The following FNTB variants were observed in gnomAD, a reference collection of about 807,000 sequenced individuals.
The protein encoded by FNTB is farnesyltransferase, CAAX box, subunit beta, also known as protein farnesyltransferase subunit beta.
A neutral mutation model predicts 59.4 loss-of-function variants in FNTB; 27 were observed. That is an observed-to-expected ratio of 0.45 (90% CI 0.34 to 0.63). The LOEUF (loss-of-function observed/expected upper bound fraction) is 0.63, where lower values mean the gene tolerates loss of function less well. FNTB is among the 20% of genes least tolerant of loss of function. The pLI is 0.02. For synonymous variants in FNTB, 230 were observed against 220.7 expected (o/e 1.04, Z -0.37); for missense variants, 449 against 559.6 (o/e 0.80, Z 1.99).
chr14:65,007,525 A>G lies in FNTB; in HGVS notation c.209+3212A>G, dbSNP rs901041422. Reference sequence around the variant, plus strand: ...AAGCTGAATAGCAGACTGGGCTGAAAGTCAAGCCTGGAGCTGAATGTCAGT... The same window carrying G: ...AAGCTGAATAGCAGACTGGGCTGAAGGTCAAGCCTGGAGCTGAATGTCAGT... On this transcript the variant is annotated intron_variant, in intron 2 of 11. Transcript: ENST00000246166. The surrounding 1 kb of genome is among the most constrained non-coding windows in gnomAD (Gnocchi z 4.9). 6.6e-6 allele frequency among the ~76,000 whole-genome samples: 1 copy of G among 152,372 alleles called. No homozygotes were observed. Among genetic ancestry groups the G allele is most frequent in the Middle Eastern group, 3.4e-3 (1 of 294 alleles).
chr14:64,988,785 T>C (rs1452112318), intron 1 of FNTB, among the ~76,000 whole-genome samples: 2 of 152,168 alleles, frequency 1.3e-5, no homozygotes, highest in African/African-American at 2.4e-5. Flanking sequence ...AAGAATCTTA[T>C]ATTTCTTTTT....
chr14:65,057,925 C>T (rs1421532326), intron 11 of FNTB, among the ~76,000 whole-genome samples: 3 of 152,148 alleles, frequency 2.0e-5, no homozygotes, highest in Non-Finnish European at 4.4e-5. Context: ...TGCCTATCTG[C>T]ACTCTTTTAA....
Position 65,031,037 on chromosome 14 carries a change from AC to A in FNTB, c.606-1571del, listed in dbSNP as rs887091727. On this transcript the variant is annotated intron_variant, in intron 6 of 11. Transcript: ENST00000246166. This position sits in a 1 kb window ranked among gnomAD's most constrained non-coding sequence, Gnocchi z 4.6. ...TGGCCAGGCTAGTCTCGAACTCCTGACCTCAAATAATCCACCTGCCTTAGCC... is the reference window on the plus strand; with the variant it reads ...TGGCCAGGCTAGTCTCGAACTCCTGACTCAAATAATCCACCTGCCTTAGCC... 6.6e-6 allele frequency among the ~76,000 whole-genome samples: 1 copy of A among 151,870 alleles called. No individual in the cohort carries two copies. Among genetic ancestry groups the A allele is most frequent in the Non-Finnish European group, 1.5e-5 (1 of 67,952 alleles).
chr14:65,005,477 C>A (rs1007528585), intron 2 of FNTB, among the ~76,000 whole-genome samples: 5 of 134,080 alleles, frequency 3.7e-5, no homozygotes, highest in African/African-American at 1.6e-4. Flanking sequence ...TTCTTTCTTT[C>A]TTTCTTTCTT....
In FNTB at chr14:65,020,100, TCC is replaced by T. The variant is rs1203052006; in HGVS notation, c.374+4385_374+4386del. On this transcript the variant is annotated intron_variant, in intron 4 of 11. Coordinates refer to ENST00000246166, the MANE Select transcript of FNTB (RefSeq NM_002028.4). ...CTACACTTACACAAAGGTTTCTCTT[TCC>T]TATTTTGTTCACTGCTGTGCTTCTA... Among the ~76,000 whole-genome samples the T allele has an allele frequency of 2.0e-5, 3 of 152,232 alleles. No individual in the cohort carries two copies. The East Asian group carries it at 5.8e-4, about 29-fold the overall frequency.
chr14:65,036,755 G>T (rs36045499), intron 7 of FNTB, among the ~76,000 whole-genome samples: 1 of 151,862 alleles, frequency 6.6e-6, no homozygotes, highest in East Asian at 1.9e-4. Flanking sequence ...GTGCAGTGGC[G>T]TAATCTCAGC....
chr14:65,051,288 A>G (rs1399070479), intron 9 of FNTB, among the ~76,000 whole-genome samples: 1 of 152,210 alleles, frequency 6.6e-6, no homozygotes, highest in Non-Finnish European at 1.5e-5. Flanking sequence ...AAAGAAATTT[A>G]ATAAATTCTT....
chr14:65,025,355 C>T (rs2061960769), intron 4 of FNTB, among the ~76,000 whole-genome samples: 1 of 152,176 alleles, frequency 6.6e-6, no homozygotes, highest in Non-Finnish European at 1.5e-5. Flanking sequence ...TTTGTATCAG[C>T]TAAAACTTTT....
chr14:65,054,567 C>T lies in FNTB; in HGVS notation c.1068-8C>T, dbSNP rs760773195. The T allele has an allele frequency of 6.2e-7, 1 of 1,611,474 alleles. No homozygotes were observed. Among genetic ancestry groups the T allele is most frequent in the Non-Finnish European group, 8.5e-7 (1 of 1,178,896 alleles). ...GGAGCGCCTGCTCAGAGCTGCCTGT[C>T]CTTACAGGTCGCGTGATTTCTACCA... On this transcript the variant is annotated splice_polypyrimidine_tract_variant and splice_region_variant and intron_variant, in intron 10 of 11. Coordinates refer to ENST00000246166, the MANE Select transcript of FNTB (RefSeq NM_002028.4). This position sits in a 1 kb window ranked among gnomAD's most constrained non-coding sequence, Gnocchi z 4.4.
chr14:65,044,317 G>A lies in FNTB; in HGVS notation c.829G>A (p.Val277Met). Residue 277 changes from valine to methionine, a missense_variant, in exon 9 of 12, where the codon GTG (valine) becomes ATG (methionine). Physicochemically the swap from Val to Met is conservative, Grantham distance 21. This residue lies in a region of FNTB where 337 missense variants were observed against 479.1 expected (regional missense o/e 0.70). Coordinates refer to ENST00000246166, the MANE Select transcript of FNTB (RefSeq NM_002028.4). This position sits in a 1 kb window ranked among gnomAD's most constrained non-coding sequence, Gnocchi z 5.5. ...CCCATCTGTGTCTCCTCAGCAATGG[G>A]TGACAAGCCGGCAGATGCGATTTGA... ...SLNLKSLLQW[V>M]TSRQMRFEGG... The A allele has an allele frequency of 6.2e-7, 1 of 1,613,360 alleles. No individual in the cohort carries two copies. Among genetic ancestry groups the A allele is most frequent in the South Asian group, 1.1e-5 (1 of 90,818 alleles).
Position 64,987,114 on chromosome 14 carries a change from G to A in FNTB, c.144+17G>A. On this transcript the variant is annotated intron_variant, in intron 1 of 11. Coordinates refer to ENST00000246166, the MANE Select transcript of FNTB (RefSeq NM_002028.4). ...ATAGAACAGGTGAGGTGGCAGGACT[G>A]GGCGAGGCGCCCGCGCGATGTGTTC... The A allele has an allele frequency of 2.5e-6, 4 of 1,613,888 alleles. No individual in the cohort carries two copies. The highest frequency in any genetic ancestry group is 3.4e-6 in the Non-Finnish European group (4 of 1,179,978).
At chr14:65,057,415 C>A (rs2062760947) in intron 11 of FNTB, among the ~76,000 whole-genome samples, 2 of 151,872 alleles carry the variant, frequency 1.3e-5, no homozygotes, top group Admixed American at 6.6e-5. Context: ...TGAGACCCTG[C>A]CCCCAGCACC....
At chr14:65,035,572 C>T (rs2062169353) in intron 7 of FNTB, among the ~76,000 whole-genome samples, 1 of 152,072 alleles carries the variant, frequency 6.6e-6, no homozygotes. Flanking sequence ...CTCTGTTGCA[C>T]GAGCTGGAGT....
At chr14:64,995,052 T>C (rs1014863023) in intron 1 of FNTB, among the ~76,000 whole-genome samples, 1 of 152,264 alleles carries the variant, frequency 6.6e-6, no homozygotes, top group African/African-American at 2.4e-5. Context: ...CTACTTTAAA[T>C]TTTTTAACTT....
At position 65,012,971 on chromosome 14, in the gene FNTB, A is replaced by T. The variant is rs965347566; in HGVS notation, c.282+582A>T. ...TACTGTTTAAGAGTAGATCTTTAATATTTCCCAGAGCAACGTCAGGACTGG... is the reference window on the plus strand; with the variant it reads ...TACTGTTTAAGAGTAGATCTTTAATTTTTCCCAGAGCAACGTCAGGACTGG... On this transcript the variant is annotated intron_variant, in intron 3 of 11. Coordinates refer to ENST00000246166, the MANE Select transcript of FNTB (RefSeq NM_002028.4). This position sits in a 1 kb window ranked among gnomAD's most constrained non-coding sequence, Gnocchi z 5.0. Among the ~76,000 whole-genome samples the T allele has an allele frequency of 6.6e-6, 1 of 152,090 alleles. No homozygotes were observed. Among genetic ancestry groups the T allele is most frequent in the Middle Eastern group, 3.2e-3 (1 of 316 alleles).
At chr14:65,026,581 C>T (rs1005499025) in intron 4 of FNTB, among the ~76,000 whole-genome samples, 3 of 152,124 alleles carry the variant, frequency 2.0e-5, no homozygotes, top group East Asian at 1.9e-4. Flanking sequence ...GTTTTTCAGC[C>T]GGATGCAGTG....
chr14:65,010,280 T>G (rs1360484771), intron 2 of FNTB, among the ~76,000 whole-genome samples: 1 of 152,232 alleles, frequency 6.6e-6, no homozygotes, highest in Non-Finnish European at 1.5e-5. Context: ...CTTCCCACAG[T>G]TTTGTTTCCA....
chr14:65,037,402 CCTTTTTTTTTTTTTTTTTTTTTTTTT>C (rs1333786349), intron 7 of FNTB, among the ~76,000 whole-genome samples: 293 of 14,540 alleles, frequency 0.02, 29 homozygotes, highest in Non-Finnish European at 0.033. Context: ...CACGCCGGGC[CCTTTTTTTTTTTTTTTTTTTTTTTTT>C]TTTTTTTTTT....
intron 7 of FNTB, among the ~76,000 whole-genome samples, chr14:65,035,820 C>G (rs1318345578): frequency 6.6e-6 from 1 of 151,790 alleles, no homozygotes; most frequent in African/African-American, 2.4e-5. Context: ...AGGCATGAGC[C>G]ACTGCGCCCA....
Sources: gnomAD v4.1 joint callset for allele counts (sites outside exome capture counted in the v4.1 genomes callset) on GRCh38, gnomAD v4.1.1 for gene constraint, gnomAD v4.1.1 regional missense constraint, Gnocchi (gnomAD v3.1) non-coding constraint, MANE v1.5 for transcripts, NCBI Gene and HGNC (gene_info 2026-07-23, HGNC 2026-07-21) for gene names.